L3MBTL4: variants seen among roughly 807,000 people sequenced by gnomAD.
L3MBTL4 encodes the protein L3MBTL histone methyl-lysine binding protein 4.
A neutral mutation model predicts 84.5 loss-of-function variants in L3MBTL4; 70 were observed. That is an observed-to-expected ratio of 0.83 (90% CI 0.68 to 1.01). L3MBTL4 has a LOEUF of 1.01. Ranked by LOEUF, L3MBTL4 falls within the 50% of genes least tolerant of loss-of-function variation. L3MBTL4 has a pLI of 0.00. For synonymous variants in L3MBTL4, 274 were observed against 259.8 expected, an observed-to-expected ratio of 1.05 and a Z score of -0.52; for missense variants, 715 against 754.8, an observed-to-expected ratio of 0.95 and a Z score of 0.62.
intron 5 of L3MBTL4, among the ~76,000 whole-genome samples, chr18:6,250,441 T>C (rs771114853): frequency 2.0e-5 from 3 of 152,214 alleles, no homozygotes; most frequent in African/African-American, 4.8e-5. Flanking sequence ...GATTATTTTG[T>C]GAACCACAGT....
intron 16 of L3MBTL4, among the ~76,000 whole-genome samples, chr18:6,012,954 C>A (rs2054802872): frequency 6.6e-6 from 1 of 152,172 alleles, no homozygotes; most frequent in Non-Finnish European, 1.5e-5. Flanking sequence ...TCTGCTTCTC[C>A]CATTTTTCTT....
intron 12 of L3MBTL4, among the ~76,000 whole-genome samples, chr18:6,203,287 T>G (rs2045725856): frequency 6.6e-6 from 1 of 152,170 alleles, no homozygotes; most frequent in Non-Finnish European, 1.5e-5. Flanking sequence ...AAACGCTGAT[T>G]GAGGTAGGAT....
At chr18:6,328,855 T>C (rs538000899) in intron 1 of L3MBTL4, among the ~76,000 whole-genome samples, 31 of 152,314 alleles carry the variant, frequency 2.0e-4, no homozygotes, top group African/African-American at 7.0e-4. Flanking sequence ...CACAGCCTCA[T>C]GAAGCCTCAC....
At chr18:6,262,944 G>T (rs1286170222) in intron 5 of L3MBTL4, among the ~76,000 whole-genome samples, 1 of 152,184 alleles carries the variant, frequency 6.6e-6, no homozygotes, top group African/African-American at 2.4e-5. Flanking sequence ...CAGATGTCAT[G>T]AAAAGTAAAC....
intron 4 of L3MBTL4, among the ~76,000 whole-genome samples, chr18:6,279,122 A>G (rs952890698): frequency 6.6e-6 from 1 of 152,210 alleles, no homozygotes; most frequent in Non-Finnish European, 1.5e-5. Context: ...TAACCAGAAT[A>G]GAAACAAGAT....
chr18:6,367,534 T>G (rs1423637640), intron 1 of L3MBTL4: 1 of 152,320 alleles, frequency 6.6e-6, no homozygotes, highest in African/African-American at 2.4e-5. Flanking sequence ...CCTTGCCCAC[T>G]GAATGAGAAA....
At chr18:6,352,358 C>G (rs2053239575) in intron 1 of L3MBTL4, among the ~76,000 whole-genome samples, 1 of 152,174 alleles carries the variant, frequency 6.6e-6, no homozygotes, top group Non-Finnish European at 1.5e-5. Flanking sequence ...TTAGAACAGT[C>G]CATTCCACAG....
intron 12 of L3MBTL4, among the ~76,000 whole-genome samples, chr18:6,189,770 T>G (rs2044976139): frequency 1.3e-5 from 2 of 151,912 alleles, no homozygotes; most frequent in Middle Eastern, 3.2e-3. Context: ...TTTAGCAGAC[T>G]GAAAATAGCA....
At chr18:6,345,630 A>C (rs2052860503) in intron 1 of L3MBTL4, among the ~76,000 whole-genome samples, 1 of 152,128 alleles carries the variant, frequency 6.6e-6, no homozygotes, top group Non-Finnish European at 1.5e-5. Flanking sequence ...AGGGTGAAAA[A>C]TCTACACTGA....
intron 1 of L3MBTL4, among the ~76,000 whole-genome samples, chr18:6,386,743 G>C (rs976152209): frequency 2.0e-5 from 3 of 152,192 alleles, no homozygotes. Context: ...CAAGGAGACA[G>C]AGCAGGGTGC....
intron 16 of L3MBTL4, among the ~76,000 whole-genome samples, chr18:6,010,911 T>G (rs2054704973): frequency 6.6e-6 from 1 of 152,198 alleles, no homozygotes; most frequent in African/African-American, 2.4e-5. Context: ...AATATGCCCA[T>G]GACTTTAGAA....
At chr18:5,995,792 TC>T (rs1196897538) in intron 16 of L3MBTL4, among the ~76,000 whole-genome samples, 2 of 152,082 alleles carry the variant, frequency 1.3e-5, no homozygotes, top group Non-Finnish European at 2.9e-5. Flanking sequence ...GGTCCACTGA[TC>T]CCCACTACTT....
chr18:6,066,268 G>A (rs951738568), intron 16 of L3MBTL4, among the ~76,000 whole-genome samples: 6 of 152,166 alleles, frequency 3.9e-5, no homozygotes, highest in African/African-American at 1.2e-4. Context: ...CTTGTTTTAT[G>A]GTCTATCATA....
intron 1 of L3MBTL4, among the ~76,000 whole-genome samples, chr18:6,319,809 A>C (rs1281371218): frequency 6.6e-6 from 1 of 151,940 alleles, no homozygotes; most frequent in African/African-American, 2.4e-5. Context: ...CAAAATGAGG[A>C]AAGGGCATAT....
chr18:6,366,494 A>C (rs557320143), intron 1 of L3MBTL4, among the ~76,000 whole-genome samples: 2 of 152,366 alleles, frequency 1.3e-5, no homozygotes, highest in Admixed American at 6.5e-5. Flanking sequence ...TTTTTAAATA[A>C]TGATATTATC....
At chr18:6,135,601 C>T (rs2060006375) in intron 14 of L3MBTL4, among the ~76,000 whole-genome samples, 1 of 151,766 alleles carries the variant, frequency 6.6e-6, no homozygotes, top group African/African-American at 2.4e-5. Flanking sequence ...GGGCAAGATG[C>T]TGCCAGTCTC....
At chr18:6,016,783 T>C (rs1011042082) in intron 16 of L3MBTL4, among the ~76,000 whole-genome samples, 6 of 152,198 alleles carry the variant, frequency 3.9e-5, no homozygotes, top group African/African-American at 1.4e-4. Flanking sequence ...TTAGGAGGAT[T>C]GGGAAGTTTT....
chr18:6,090,790 A>ATTTTTTTTTT (rs71370543), intron 15 of L3MBTL4, among the ~76,000 whole-genome samples: 1 of 129,744 alleles, frequency 7.7e-6, no homozygotes, highest in Non-Finnish European at 1.7e-5. Flanking sequence ...ACACCCACCT[A>ATTTTTTTTTT]TTTTTTTTTT....
intron 14 of L3MBTL4, among the ~76,000 whole-genome samples, chr18:6,113,481 AAAG>A (rs1349507806): frequency 1.3e-5 from 2 of 150,158 alleles, no homozygotes; most frequent in African/African-American, 5.0e-5. Context: ...AAAAAAAAAA[AAAG>A]CAAATAAAAA....
Sources: gnomAD v4.1 joint callset for allele counts (sites outside exome capture counted in the v4.1 genomes callset) on GRCh38, gnomAD v4.1.1 for gene constraint, MANE v1.5 for transcripts, NCBI Gene and HGNC (gene_info 2026-07-23, HGNC 2026-07-21) for gene names.